Variants in NFATC1 observed in about 807,000 individuals in gnomAD.
NFATC1 encodes nuclear factor of activated T cells 1.
A neutral mutation model predicts 76.0 loss-of-function variants in NFATC1; 22 were observed. The observed-to-expected ratio is 0.29, with a 90% CI of 0.21 to 0.41. The LOEUF is 0.41. NFATC1 is among the 10% of genes least tolerant of loss of function. The pLI is 1.00. For synonymous variants in NFATC1, 704 were observed against 613.1 expected (o/e 1.15, Z -2.19); for missense variants, 1,357 against 1,337.7 (o/e 1.01, Z -0.23).
intron 3 of NFATC1, among the ~76,000 whole-genome samples, chr18:79,444,224 CT>C (rs1357007958): frequency 6.6e-6 from 1 of 152,022 alleles, no homozygotes; most frequent in Non-Finnish European, 1.5e-5. Context: ...TGTGCACGCT[CT>C]GGGGGGGTGT....
intron 2 of NFATC1, among the ~76,000 whole-genome samples, chr18:79,425,509 C>T (rs1173673693): frequency 6.6e-6 from 1 of 152,224 alleles, no homozygotes; most frequent in East Asian, 1.9e-4. Context: ...GAGCAGCCTT[C>T]ACGGTTTTCA....
rs374831399 is a variant in NFATC1 at position 79,411,052 on chromosome 18, C to T, written c.777C>T (p.Pro259=). Residue 259 remains proline (P), a synonymous_variant, in exon 2 of 10, where the codon CCC becomes CCT. Coordinates refer to ENST00000427363, the MANE Select transcript of NFATC1 (RefSeq NM_001278669.2). ...GGCTGGGTGCCCGCTCCTCCAGACC[C>T]GCGTCCCCTTGCAACAAGAGGAAGT... ...ESWLGARSSR[P]ASPCNKRKYS... 6.2e-5 allele frequency: 100 copies of T among 1,611,962 alleles called. No homozygotes were observed. The African/African-American group carries it at 9.1e-4, about 15-fold the overall frequency.
intron 8 of NFATC1, among the ~76,000 whole-genome samples, chr18:79,474,153 G>A (rs2088923532): frequency 7.4e-6 from 1 of 135,112 alleles, no homozygotes; most frequent in Admixed American, 7.3e-5. Context: ...GTAAACCTGA[G>A]GGAAGCGTGT....
chr18:79,510,708 A>G (rs1267021619), intron 9 of NFATC1, among the ~76,000 whole-genome samples: 2 of 152,172 alleles, frequency 1.3e-5, no homozygotes, highest in Admixed American at 1.3e-4. Flanking sequence ...CGGTTGATAG[A>G]ATTTCTTCTA....
chr18:79,413,572 G>A (rs1255669838), intron 2 of NFATC1, among the ~76,000 whole-genome samples: 2 of 152,208 alleles, frequency 1.3e-5, no homozygotes, highest in African/African-American at 2.4e-5. Flanking sequence ...TGATCGCTCT[G>A]TAAAGACCCT....
In NFATC1 at chr18:79,396,319, G is replaced by T. The variant is rs1314484528; in HGVS notation, c.95G>T (p.Arg32Leu). The T allele has an allele frequency of 9.2e-6, 13 of 1,415,456 alleles. No individual in the cohort carries two copies. The South Asian group carries it at 1.7e-4, about 19-fold the overall frequency. The allele number at this position is 1,415,456 out of a possible 1,614,324, so 87.7% of individuals were successfully genotyped here. A position where few individuals can be genotyped will look rare whatever the true frequency, so the allele number is the denominator to read the frequency against. Residue 32 changes from arginine to leucine, a missense_variant, in exon 1 of 10, where the codon CGC becomes CTC. Transcript: ENST00000427363. ...GGAGAAACTTTGGGGCCCGCGCCGC[G>T]CGCCGGCGGCACCATGAAGTCAGCG... ...GRGETLGPAP[R>L]AGGTMKSAEE...
At chr18:79,422,026 C>T (rs530782450) in intron 2 of NFATC1, 15 of 152,310 alleles carry the variant, frequency 9.8e-5, no homozygotes, top group African/African-American at 2.9e-4. Flanking sequence ...TTTGAGAAAC[C>T]GCTGTATTTG....
At chr18:79,464,714 T>TA (rs2088376378) in intron 7 of NFATC1, among the ~76,000 whole-genome samples, 1 of 83,804 alleles carries the variant, frequency 1.2e-5, no homozygotes, top group Non-Finnish European at 2.5e-5. Context: ...TTATTTATTT[T>TA]TTTTTTTTTG....
chr18:79,443,175 A>G lies in NFATC1; in HGVS notation c.1387-5607A>G, dbSNP rs145543084. On this transcript the variant is annotated intron_variant, in intron 3 of 9. Transcript: ENST00000427363. Reference sequence around the variant, plus strand: ...TTATCTGTGGATCTGAACACGATCTATGAATCACTAGGAAAGCAACTGTGT... The same window carrying G: ...TTATCTGTGGATCTGAACACGATCTGTGAATCACTAGGAAAGCAACTGTGT... 4.5e-3 allele frequency among the ~76,000 whole-genome samples: 688 copies of G among 152,334 alleles called. 15 individuals carry two copies. Among genetic ancestry groups the G allele is most frequent in the African/African-American group, 9.8e-3 (407 of 41,584 alleles).
intron 8 of NFATC1, among the ~76,000 whole-genome samples, chr18:79,484,510 G>A (rs1009169244): frequency 2.0e-5 from 3 of 151,780 alleles, no homozygotes; most frequent in Non-Finnish European, 4.4e-5. Context: ...AGTGTGCAGG[G>A]CGGACGCTTT....
At position 79,448,972 on chromosome 18, in the gene NFATC1, G is replaced by A. The variant is rs2087338409; in HGVS notation, c.1577G>A (p.Ser526Asn). Residue 526 changes from serine (S) to asparagine (N), a missense_variant, in exon 4 of 10, where the codon AGC becomes AAC. Physicochemically the swap from Ser to Asn is conservative, Grantham distance 46. This residue lies in a region of NFATC1 where 242 missense variants were observed against 329.2 expected (regional missense o/e 0.74). Coordinates refer to ENST00000427363, the MANE Select transcript of NFATC1 (RefSeq NM_001278669.2). ...GAGATCCCACTCCTGCCGGAGAACA[G>A]CATGCGAGCCGTGTAAGCCGCGGGG... ...VLEIPLLPEN[S>N]MRAVIDCAGI... 6.2e-7 allele frequency: 1 copy of A among 1,613,208 alleles called. No homozygotes were observed. The highest frequency in any genetic ancestry group is 8.5e-7 in the Non-Finnish European group (1 of 1,179,978).
intron 8 of NFATC1, among the ~76,000 whole-genome samples, chr18:79,475,915 G>A (rs376635483): frequency 2.6e-5 from 4 of 152,380 alleles, no homozygotes; most frequent in African/African-American, 9.6e-5. Context: ...GATGAGGGGA[G>A]TAAATTAGGG....
At chr18:79,453,458 A>T (rs1600760521) in intron 6 of NFATC1, among the ~76,000 whole-genome samples, 1 of 152,240 alleles carries the variant, frequency 6.6e-6, no homozygotes, top group South Asian at 2.1e-4. Context: ...GGGATGCAGG[A>T]CCAGCCCTGG....
In NFATC1 at chr18:79,527,603, G is replaced by GC. The variant is rs1383807000; in HGVS notation, c.*27dup. On this transcript the variant is annotated 3_prime_UTR_variant, in exon 10 of 10. Coordinates refer to ENST00000427363, the MANE Select transcript of NFATC1 (RefSeq NM_001278669.2). ...TTGCCACATTGGAGCACTCAGTTCA[G>GC]CAGGGGTATGCTGACTTCAGCAGAC... 2 of 1,608,228 alleles carry GC rather than the reference G, an allele frequency of 1.2e-6. No homozygotes were observed. Among genetic ancestry groups the GC allele is most frequent in the Non-Finnish European group, 1.7e-6 (2 of 1,174,926 alleles).
At chr18:79,461,599 C>T (rs2088100818) in intron 7 of NFATC1, among the ~76,000 whole-genome samples, 1 of 152,254 alleles carries the variant, frequency 6.6e-6, no homozygotes, top group Non-Finnish European at 1.5e-5. Context: ...CGTCAGAGCC[C>T]TGGCGGCCGG....
rs539208824 is a variant in NFATC1 at position 79,506,931 on chromosome 18, A to G, written c.2782+19994A>G. 1.2e-4 allele frequency among the ~76,000 whole-genome samples: 18 copies of G among 152,292 alleles called. No individual in the cohort carries two copies. In the East Asian group the frequency reaches 3.5e-3, roughly 29 times the overall value. On this transcript the variant is annotated intron_variant, in intron 9 of 9. Transcript: ENST00000427363. ...TGTGGACACTCACACACAGTAAGGG[A>G]CAAAGAAAGTGTATCCCCTTCCAAA...
At chr18:79,420,675 G>T (rs560810026) in intron 2 of NFATC1, among the ~76,000 whole-genome samples, 10 of 151,412 alleles carry the variant, frequency 6.6e-5, no homozygotes, top group Non-Finnish European at 1.2e-4. Context: ...AGAGGGGGTC[G>T]CATTTCCAGG....
chr18:79,485,458 T>G (rs1391604672), intron 8 of NFATC1, among the ~76,000 whole-genome samples: 2 of 152,232 alleles, frequency 1.3e-5, no homozygotes, highest in Admixed American at 1.3e-4. Context: ...ACACCCTGCC[T>G]GTTTGCTTCC....
intron 3 of NFATC1, among the ~76,000 whole-genome samples, chr18:79,446,061 G>A (rs2144747092): frequency 6.6e-6 from 1 of 152,306 alleles, no homozygotes; most frequent in South Asian, 2.1e-4. Context: ...GCAGAGGGAG[G>A]TCATTGTTGT....
Sources: allele counts gnomAD v4.1 joint callset (sites outside exome capture counted in the v4.1 genomes callset), GRCh38; gene constraint gnomAD v4.1.1; regional missense constraint gnomAD v4.1.1; transcripts MANE v1.5; gene names NCBI Gene and HGNC (gene_info 2026-07-23, HGNC 2026-07-21).